The following ATP2C1 variants were observed in gnomAD, a reference collection of about 807,000 sequenced individuals.
ATP2C1 encodes the protein ATPase secretory pathway Ca2+ transporting 1.
In ATP2C1, 31 loss-of-function variants were observed where a neutral mutation model predicts 120.5. The ratio of observed to expected loss-of-function variants is 0.26; its 90% CI spans 0.19 to 0.35. The LOEUF (loss-of-function observed/expected upper bound fraction) is 0.35, where lower values mean the gene tolerates loss of function less well. ATP2C1 is among the 10% of genes least tolerant of loss of function. The pLI, the probability that ATP2C1 is intolerant of heterozygous loss-of-function variation, is 1.00. For synonymous variants in ATP2C1, 351 were observed against 358.7 expected, an observed-to-expected ratio of 0.98 and a Z score of 0.24; for missense variants, 731 against 1,107.5, an observed-to-expected ratio of 0.66 and a Z score of 4.83.
chr3:130,993,890 A>T (rs1199419056), intron 21 of ATP2C1, 42 bp from the exon 22 acceptor site: 1 of 1,610,098 alleles, frequency 6.2e-7, no homozygotes, highest in Non-Finnish European at 8.5e-7. Context: ...CAACATTTTT[A>T]TCAAAATTCC....
intron 2 of ATP2C1, among the ~76,000 whole-genome samples, chr3:130,924,659 A>G (rs1418053106): frequency 6.6e-6 from 1 of 152,192 alleles, no homozygotes; most frequent in East Asian, 1.9e-4. Flanking sequence ...TTCCTGAAAT[A>G]TGTTTTCCAA....
At chr3:130,910,302 C>G (rs1314031829) in intron 2 of ATP2C1, among the ~76,000 whole-genome samples, 1 of 149,544 alleles carries the variant, frequency 6.7e-6, no homozygotes, top group Non-Finnish European at 1.5e-5. Flanking sequence ...GATTTTGTAT[C>G]CTGAGACTTT....
chr3:130,987,049 C>G (rs1010620210), intron 20 of ATP2C1, among the ~76,000 whole-genome samples: 1 of 151,438 alleles, frequency 6.6e-6, no homozygotes, highest in African/African-American at 2.4e-5. Flanking sequence ...AAGCTATCCT[C>G]TGCCTTAGCC....
chr3:130,939,069 A>G (rs1180986917), intron 6 of ATP2C1, among the ~76,000 whole-genome samples: 1 of 152,234 alleles, frequency 6.6e-6, no homozygotes, highest in Non-Finnish European at 1.5e-5. Flanking sequence ...TCAAATTGCT[A>G]GGTCTGATTC....
chr3:130,853,516 T>G (rs1183917636), intron 1 of ATP2C1, among the ~76,000 whole-genome samples: 1 of 152,158 alleles, frequency 6.6e-6, no homozygotes, highest in Non-Finnish European at 1.5e-5. Flanking sequence ...TCTGCTTCTT[T>G]ACTTTTGCAC....
intron 26 of ATP2C1, among the ~76,000 whole-genome samples, chr3:130,999,052 G>A (rs115873536): frequency 2.0e-5 from 3 of 152,054 alleles, no homozygotes; most frequent in South Asian, 2.1e-4. Flanking sequence ...TGAGTACAGC[G>A]AATTCTCACT....
Position 130,959,301 on chromosome 3 carries a change from C to G in ATP2C1, c.859C>G (p.Leu287Val). 1.9e-6 allele frequency: 3 copies of G among 1,609,048 alleles called. No homozygotes were observed. Among genetic ancestry groups the G allele is most frequent in the Non-Finnish European group, 2.6e-6 (3 of 1,176,050 alleles). The change falls in exon 12 of 28, where the codon CTG becomes GTG. Residue 287 changes from leucine to valine, a missense_variant. Coordinates refer to ENST00000510168, the MANE Select transcript of ATP2C1 (RefSeq NM_001378687.1). ...IGIIMLVGWLLGKDILEMFTI... is the reference protein window; with the variant it reads ...IGIIMLVGWLVGKDILEMFTI... ...AATCATCATGTTGGTTGGCTGGTTA[C>G]TGGGAAAAGATATCCTGGAAATGTT...
intron 2 of ATP2C1, among the ~76,000 whole-genome samples, chr3:130,916,476 G>A (rs1041216166): frequency 1.3e-5 from 2 of 151,912 alleles, no homozygotes; most frequent in African/African-American, 4.8e-5. Context: ...CTTGGAGGAC[G>A]GGCCCAAAAG....
chr3:130,913,013 A>G, intron 2 of ATP2C1, among the ~76,000 whole-genome samples: 1 of 145,694 alleles, frequency 6.9e-6, no homozygotes, highest in East Asian at 2.1e-4. Context: ...ACAAAAAACC[A>G]AACACCACAT....
intron 1 of ATP2C1, among the ~76,000 whole-genome samples, chr3:130,858,170 T>G: frequency 6.6e-6 from 1 of 151,742 alleles, no homozygotes; most frequent in Non-Finnish European, 1.5e-5. Flanking sequence ...AGATTGAGGG[T>G]GGGTCTGCCT....
At chr3:130,906,714 A>C (rs964557398) in intron 2 of ATP2C1, among the ~76,000 whole-genome samples, 1 of 148,050 alleles carries the variant, frequency 6.8e-6, no homozygotes, top group Non-Finnish European at 1.5e-5. Context: ...AGGGGGTATG[A>C]AGTGGTTTCA....
intron 26 of ATP2C1, among the ~76,000 whole-genome samples, chr3:131,009,676 T>C (rs183585881): frequency 6.6e-6 from 1 of 152,334 alleles, no homozygotes; most frequent in African/African-American, 2.4e-5. Flanking sequence ...AATTTGGTAT[T>C]ACTCACACCT....
Position 130,981,894 on chromosome 3 carries a change from A to G in ATP2C1, c.1839+1215A>G, listed in dbSNP as rs188265950. Among the ~76,000 whole-genome samples the G allele has an allele frequency of 3.1e-3, 479 of 152,276 alleles. 1 individual carries two copies. The highest frequency in any genetic ancestry group is 4.8e-3 in the Non-Finnish European group (328 of 68,006). On this transcript the variant is annotated intron_variant, in intron 20 of 27. Transcript: ENST00000510168. ...CTGCCCTGCCTATTTTTTAAAAATTATGTTTTCTAATTATTGAATTTTGAG... is the reference window on the plus strand; with the variant it reads ...CTGCCCTGCCTATTTTTTAAAAATTGTGTTTTCTAATTATTGAATTTTGAG...
intron 13 of ATP2C1, 48 bp downstream of exon 13, chr3:130,964,143 G>T (rs1307431146): frequency 6.2e-7 from 1 of 1,605,286 alleles, no homozygotes; most frequent in South Asian, 1.1e-5. Context: ...GTAAGTTTAT[G>T]TCAATAGTGA....
At chr3:130,887,988 T>A (rs1321031436) in intron 1 of ATP2C1, among the ~76,000 whole-genome samples, 1 of 152,224 alleles carries the variant, frequency 6.6e-6, no homozygotes, top group Non-Finnish European at 1.5e-5. Flanking sequence ...CATGCCATGA[T>A]GCACTACCTG....
chr3:130,905,708 A>C (rs1423807038), intron 2 of ATP2C1, among the ~76,000 whole-genome samples: 2 of 152,142 alleles, frequency 1.3e-5, no homozygotes, highest in Non-Finnish European at 2.9e-5. Flanking sequence ...ATCATAGCAC[A>C]GTATCCCTCT....
At position 131,002,428 on chromosome 3, in the gene ATP2C1, T is replaced by C; in HGVS notation, c.*1078T>C. On this transcript the variant is annotated 3_prime_UTR_variant, in exon 28 of 28. Coordinates refer to ENST00000510168, the MANE Select transcript of ATP2C1 (RefSeq NM_001378687.1). Reference sequence around the variant, plus strand: ...GTCTTGCTCTGTGTGCATCTGAAGCTTCTTTGGCCTAGATTTTAGCACAAA... The same window carrying C: ...GTCTTGCTCTGTGTGCATCTGAAGCCTCTTTGGCCTAGATTTTAGCACAAA... 1 of 985,444 alleles carries C rather than the reference T, an allele frequency of 1.0e-6. No homozygotes were observed. The highest frequency in any genetic ancestry group is 4.7e-5 in the South Asian group (1 of 21,290). The allele number at this position is 985,444 out of a possible 1,614,324, so 61.0% of individuals were successfully genotyped here.
intron 19 of ATP2C1, 91 bp from the exon 20 acceptor site, chr3:130,980,491 A>G: frequency 1.1e-6 from 1 of 876,074 alleles, no homozygotes; most frequent in Non-Finnish European, 1.9e-6. Flanking sequence ...AAGAGAACAG[A>G]TAACAAATCA....
At chr3:130,873,939 G>A (rs1423630795) in intron 1 of ATP2C1, among the ~76,000 whole-genome samples, 5 of 151,776 alleles carry the variant, frequency 3.3e-5, no homozygotes, top group East Asian at 1.9e-4. Flanking sequence ...GTGAAACCCC[G>A]TCTCTACTAA....
Sources: gnomAD v4.1 joint callset for allele counts (sites outside exome capture counted in the v4.1 genomes callset) on GRCh38, gnomAD v4.1.1 for gene constraint, MANE v1.5 for transcripts, NCBI Gene and HGNC (gene_info 2026-07-23, HGNC 2026-07-21) for gene names.